FARS2: variants seen among roughly 807,000 people sequenced by gnomAD.
FARS2 encodes phenylalanine--tRNA ligase, mitochondrial.
Under a neutral mutation model 46.4 loss-of-function variants are expected in FARS2, and 40 were observed. The observed-to-expected ratio is 0.86, with a 90% CI of 0.67 to 1.12. The LOEUF (loss-of-function observed/expected upper bound fraction) is 1.12, where lower values mean the gene tolerates loss of function less well. Ranked by LOEUF, FARS2 falls within the 50% of genes most tolerant of loss-of-function variation. The pLI, the probability that FARS2 is intolerant of heterozygous loss-of-function variation, is 0.00. For missense variants in FARS2, 513 were observed against 567.9 expected (o/e 0.90, Z 0.98); for synonymous variants, 234 against 214.9 (o/e 1.09, Z -0.78).
chr6:5,417,408 A>G (rs1231670919), intron 3 of FARS2, among the ~76,000 whole-genome samples: 2 of 151,960 alleles, frequency 1.3e-5, no homozygotes, highest in African/African-American at 4.8e-5. Flanking sequence ...AAAAAATTGT[A>G]GAGAGATGGG....
intron 6 of FARS2, among the ~76,000 whole-genome samples, chr6:5,696,086 C>CAACAGG (rs1282600785): frequency 1.4e-4 from 22 of 152,208 alleles, no homozygotes. Flanking sequence ...GCGTGCAGGA[C>CAACAGG]AACAGGTACC....
At chr6:5,578,335 T>G (rs1773108381) in intron 5 of FARS2, among the ~76,000 whole-genome samples, 1 of 152,040 alleles carries the variant, frequency 6.6e-6, no homozygotes, top group Admixed American at 6.5e-5. Flanking sequence ...GGGAGGGAAC[T>G]CTGGGCTGCG....
chr6:5,481,974 A>G (rs1766488795), intron 4 of FARS2, among the ~76,000 whole-genome samples: 1 of 152,176 alleles, frequency 6.6e-6, no homozygotes, highest in Non-Finnish European at 1.5e-5. Context: ...TCGGTTCATC[A>G]GAGGCTTTCT....
At chr6:5,444,492 A>T (rs1428932811) in intron 4 of FARS2, among the ~76,000 whole-genome samples, 1 of 35,582 alleles carries the variant, frequency 2.8e-5, no homozygotes, top group African/African-American at 1.1e-4. Context: ...AAAAAAAAAA[A>T]AGAGAGAGAG....
intron 6 of FARS2, among the ~76,000 whole-genome samples, chr6:5,644,241 C>T (rs879332220): frequency 1.3e-5 from 2 of 151,606 alleles, no homozygotes; most frequent in Admixed American, 1.3e-4. Flanking sequence ...TTTTTTGAGA[C>T]AGGGTCTCAC....
At chr6:5,582,798 T>TAA (rs1773410607) in intron 5 of FARS2, among the ~76,000 whole-genome samples, 1 of 152,228 alleles carries the variant, frequency 6.6e-6, no homozygotes, top group African/African-American at 2.4e-5. Flanking sequence ...AATAGCTCTT[T>TAA]ATGTTAAACT....
At position 5,714,402 on chromosome 6, in the gene FARS2, C is replaced by T. The variant is rs572512564; in HGVS notation, c.1218-56889C>T. Among the ~76,000 whole-genome samples the T allele has an allele frequency of 7.2e-5, 11 of 152,186 alleles. No homozygotes were observed. The East Asian group carries it at 1.4e-3, about 19-fold the overall frequency. ...GGGATTTATTATCCTTTGCTGTCCCCGCATGTATGGCCCTGGGGAGGAGGA... is the reference window on the plus strand; with the variant it reads ...GGGATTTATTATCCTTTGCTGTCCCTGCATGTATGGCCCTGGGGAGGAGGA... On this transcript the variant is annotated intron_variant, in intron 6 of 6. Transcript: ENST00000274680.
At chr6:5,414,811 G>GTTTTTT (rs35210878) in intron 3 of FARS2, among the ~76,000 whole-genome samples, 23 of 86,672 alleles carry the variant, frequency 2.7e-4, no homozygotes, top group Non-Finnish European at 3.7e-4. Flanking sequence ...GTATATGACT[G>GTTTTTT]TTTTTTTTTT....
intron 4 of FARS2, among the ~76,000 whole-genome samples, chr6:5,517,606 C>T (rs1768887409): frequency 2.8e-5 from 4 of 144,820 alleles, no homozygotes; most frequent in Admixed American, 2.1e-4. Flanking sequence ...GAGTGAGACT[C>T]AGTCTCAAAA....
chr6:5,269,735 TG>T (rs1257341980), intron 1 of FARS2, among the ~76,000 whole-genome samples: 1 of 152,184 alleles, frequency 6.6e-6, no homozygotes, highest in Non-Finnish European at 1.5e-5. Flanking sequence ...TGTCTTAAGA[TG>T]TGCAATACTG....
At chr6:5,259,190 T>C (rs1312568678), upstream of FARS2, among the ~76,000 whole-genome samples, 2 of 152,212 alleles carry the variant, frequency 1.3e-5, no homozygotes, top group Non-Finnish European at 2.9e-5. Context: ...TCCAAGTCCT[T>C]GTGTATCCTG....
At chr6:5,378,294 C>T (rs1365666601) in intron 2 of FARS2, among the ~76,000 whole-genome samples, 1 of 152,036 alleles carries the variant, frequency 6.6e-6, no homozygotes, top group Non-Finnish European at 1.5e-5. Flanking sequence ...TGAGGGGCTC[C>T]TTCCACGGAG....
intron 5 of FARS2, among the ~76,000 whole-genome samples, chr6:5,599,724 G>A (rs1582547757): frequency 6.6e-6 from 1 of 152,196 alleles, no homozygotes; most frequent in South Asian, 2.1e-4. Context: ...AGAAGATACT[G>A]TACTTTTGGC....
chr6:5,409,445 A>G (rs1761807357), intron 3 of FARS2, among the ~76,000 whole-genome samples: 1 of 136,922 alleles, frequency 7.3e-6, no homozygotes. Flanking sequence ...AGCGAGACTG[A>G]CTCAAAAAAA....
chr6:5,423,745 T>C (rs1421009994), intron 3 of FARS2, among the ~76,000 whole-genome samples: 1 of 152,170 alleles, frequency 6.6e-6, no homozygotes, highest in East Asian at 1.9e-4. Flanking sequence ...CTTGGCACTC[T>C]GCAGCGCTGG....
chr6:5,354,083 A>T (rs1448966108), intron 1 of FARS2, among the ~76,000 whole-genome samples: 1 of 151,410 alleles, frequency 6.6e-6, no homozygotes, highest in South Asian at 2.1e-4. Context: ...TTTTCTCTCC[A>T]TGTCATCCTC....
intron 6 of FARS2, among the ~76,000 whole-genome samples, chr6:5,750,604 C>A (rs760444023): frequency 6.6e-6 from 1 of 152,042 alleles, no homozygotes; most frequent in Non-Finnish European, 1.5e-5. Flanking sequence ...AAGAAGGGAT[C>A]AATGGTAGAC....
intron 4 of FARS2, among the ~76,000 whole-genome samples, chr6:5,444,731 T>C (rs187703889): frequency 5.3e-5 from 8 of 152,248 alleles, no homozygotes; most frequent in African/African-American, 1.7e-4. Context: ...CCCCCACTCC[T>C]CATCCCAATG....
At chr6:5,622,103 G>C (rs1775806205) in intron 6 of FARS2, among the ~76,000 whole-genome samples, 1 of 152,160 alleles carries the variant, frequency 6.6e-6, no homozygotes, top group African/African-American at 2.4e-5. Flanking sequence ...CTGGGGTGCT[G>C]GGCCACCTGC....
Sources: gnomAD v4.1 joint callset for allele counts (sites outside exome capture counted in the v4.1 genomes callset) on GRCh38, gnomAD v4.1.1 for gene constraint, MANE v1.5 for transcripts, NCBI Gene and HGNC (gene_info 2026-07-23, HGNC 2026-07-21) for gene names.